Variants in LOC122539214 observed in about 807,000 individuals in gnomAD.
chr19:52,670,326 G>C, the LOC122539214 span, among the ~76,000 whole-genome samples: 1 of 152,118 alleles, frequency 6.6e-6, no homozygotes, highest in Non-Finnish European at 1.5e-5. Context: ...ATTGGAATTA[G>C]ATTAGCCTGT....
At chr19:52,664,972 AC>A in the LOC122539214 span, among the ~76,000 whole-genome samples, 2 of 152,160 alleles carry the variant, frequency 1.3e-5, no homozygotes, top group Non-Finnish European at 2.9e-5. Context: ...AAAGTTCCTT[AC>A]TATTGAAATT....
At chr19:52,655,390 A>G in the LOC122539214 span, 2 of 653,146 alleles carry the variant, frequency 3.1e-6, no homozygotes, top group South Asian at 3.7e-5. Flanking sequence ...ACTCCATAGG[A>G]TAGTCTCTAA....
chr19:52,655,779 C>T, the LOC122539214 span: 1 of 632,972 alleles, frequency 1.6e-6, no homozygotes, highest in Non-Finnish European at 2.8e-6. Context: ...TTGATTTGAT[C>T]CAAGACGGTG....
At chr19:52,665,115 TC>T in the LOC122539214 span, among the ~76,000 whole-genome samples, 1 of 152,158 alleles carries the variant, frequency 6.6e-6, no homozygotes, top group African/African-American at 2.4e-5. Flanking sequence ...CAATTAGAAA[TC>T]CTCTCCCTTT....
the LOC122539214 span, among the ~76,000 whole-genome samples, chr19:52,668,865 G>A: frequency 1.3e-5 from 2 of 152,072 alleles, no homozygotes; most frequent in African/African-American, 4.8e-5. Context: ...TACATCCTGG[G>A]GTAACAAGTT....
the LOC122539214 span, among the ~76,000 whole-genome samples, chr19:52,668,139 G>A: frequency 1.3e-5 from 2 of 151,950 alleles, no homozygotes; most frequent in Non-Finnish European, 2.9e-5. Context: ...CGCCAGCTTC[G>A]GAGTTTCCAG....
the LOC122539214 span, among the ~76,000 whole-genome samples, chr19:52,686,478 ATAT>A: frequency 2.2e-5 from 3 of 135,898 alleles, no homozygotes; most frequent in Non-Finnish European, 4.7e-5. Context: ...ATATATATAT[ATAT>A]AAATAAATGA....
At chr19:52,684,626 G>A in the LOC122539214 span, among the ~76,000 whole-genome samples, 32 of 151,758 alleles carry the variant, frequency 2.1e-4, no homozygotes, top group South Asian at 2.9e-3. Context: ...CCTGAGTAAC[G>A]TGATAGAGAC....
chr19:52,682,683 GAAAAA>G, the LOC122539214 span, among the ~76,000 whole-genome samples: 3 of 9,518 alleles, frequency 3.2e-4, no homozygotes, highest in African/African-American at 3.1e-3. Flanking sequence ...ACAAGAAAAA[GAAAAA>G]GAAAAAGAAA....
chr19:52,680,606 ATTTTTTT>A, the LOC122539214 span, among the ~76,000 whole-genome samples: 132 of 88,938 alleles, frequency 1.5e-3, 1 homozygote, highest in African/African-American at 1.7e-3. Flanking sequence ...TCCACAAAAT[ATTTTTTT>A]TTTTTTTTTT....
the LOC122539214 span, among the ~76,000 whole-genome samples, chr19:52,676,612 C>G: frequency 0.014 from 2,147 of 150,532 alleles, 35 homozygotes; most frequent in African/African-American, 0.046. Context: ...GGCCACCACC[C>G]CGTCTGGGAG....
chr19:52,676,617 T>C, the LOC122539214 span, among the ~76,000 whole-genome samples: 1 of 150,046 alleles, frequency 6.7e-6, no homozygotes, highest in Non-Finnish European at 1.5e-5. Context: ...CCACCCCGTC[T>C]GGGAGGTGTG....
the LOC122539214 span, among the ~76,000 whole-genome samples, chr19:52,664,400 G>T: frequency 7.2e-5 from 11 of 152,070 alleles, no homozygotes; most frequent in African/African-American, 2.7e-4. Context: ...GGAGGCTGAA[G>T]TGGGAGGATC....
chr19:52,678,304 G>A, the LOC122539214 span, among the ~76,000 whole-genome samples: 2 of 151,536 alleles, frequency 1.3e-5, no homozygotes, highest in South Asian at 4.2e-4. Context: ...ATAAAAATTA[G>A]CCAGGCATGG....
chr19:52,678,422 C>T, the LOC122539214 span, among the ~76,000 whole-genome samples: 11 of 144,670 alleles, frequency 7.6e-5, no homozygotes, highest in East Asian at 1.0e-3. Flanking sequence ...TGCACTCCAG[C>T]CTGGGTGACA....
the LOC122539214 span, among the ~76,000 whole-genome samples, chr19:52,684,125 C>T: frequency 6.6e-6 from 1 of 151,990 alleles, no homozygotes; most frequent in Non-Finnish European, 1.5e-5. Flanking sequence ...TCCTAGCACT[C>T]TGGGAGGCCG....
chr19:52,653,766 C>T, the LOC122539214 span, among the ~76,000 whole-genome samples: 1 of 152,156 alleles, frequency 6.6e-6, no homozygotes, highest in African/African-American at 2.4e-5. Flanking sequence ...CTCTATGGTG[C>T]CATGCAAGGT....
chr19:52,680,900 C>G, the LOC122539214 span, among the ~76,000 whole-genome samples: 2 of 151,874 alleles, frequency 1.3e-5, no homozygotes, highest in African/African-American at 4.8e-5. Flanking sequence ...GCGTGAGCCA[C>G]CGCGCCCGGC....
At chr19:52,659,088 A>G in the LOC122539214 span, among the ~76,000 whole-genome samples, 5 of 152,286 alleles carry the variant, frequency 3.3e-5, no homozygotes, top group African/African-American at 1.2e-4. Flanking sequence ...GTCCGTGGGC[A>G]GACCCCCGCA....
Sources: gnomAD v4.1 joint callset for allele counts (sites outside exome capture counted in the v4.1 genomes callset) on GRCh38, gnomAD v4.1.1 for gene constraint, MANE v1.5 for transcripts.